The following SLC39A10 variants were observed in gnomAD, a reference collection of about 807,000 sequenced individuals.
SLC39A10 encodes the protein zinc transporter ZIP10.
SLC39A10 carries 13 observed loss-of-function variants against 65.1 expected under a neutral mutation model. That is an observed-to-expected ratio of 0.20 (90% CI 0.13 to 0.32). The LOEUF (loss-of-function observed/expected upper bound fraction) is 0.32, where lower values mean the gene tolerates loss of function less well. Ranked by LOEUF, SLC39A10 falls within the 10% of genes least tolerant of loss-of-function variation. The pLI is 1.00. For synonymous variants in SLC39A10, 321 were observed against 342.2 expected (o/e 0.94, Z 0.68); for missense variants, 831 against 1,018.4 (o/e 0.82, Z 2.50).
Position 195,683,747 on chromosome 2 carries a change from T to C in SLC39A10, c.1057T>C (p.Ser353Pro). 1 of 1,613,384 alleles carries C rather than the reference T, an allele frequency of 6.2e-7. No individual in the cohort carries two copies. Among genetic ancestry groups the C allele is most frequent in the Middle Eastern group, 1.7e-4 (1 of 6,056 alleles). Residue 353 changes from serine to proline, a missense_variant, in exon 3 of 10, where the codon TCT (serine) becomes CCT (proline). This residue lies in a region of SLC39A10 where 446 missense variants were observed against 499.2 expected (regional missense o/e 0.89). Coordinates refer to ENST00000359634, the MANE Select transcript of SLC39A10 (RefSeq NM_020342.3). ...LLKYYGHGAN[S>P]PISTDLFTYL... ...AAAATACTATGGTCATGGTGCCAAC[T>C]CTCCCATCTCAACTGATTTATTTAC...
chr2:195,660,760 G>A (rs1174772410), intron 1 of SLC39A10, among the ~76,000 whole-genome samples: 2 of 152,170 alleles, frequency 1.3e-5, no homozygotes, highest in African/African-American at 2.4e-5. Context: ...AAAGCGGGAA[G>A]TTAGCTGTGT....
At chr2:195,692,157 G>A (rs557556867) in intron 3 of SLC39A10, among the ~76,000 whole-genome samples, 12 of 151,794 alleles carry the variant, frequency 7.9e-5, no homozygotes, top group East Asian at 1.9e-4. Context: ...ATCTGTTGGC[G>A]TATTTGGCTT....
intron 2 of SLC39A10, among the ~76,000 whole-genome samples, chr2:195,683,203 A>G (rs1690398817): frequency 6.9e-6 from 1 of 144,290 alleles, no homozygotes; most frequent in South Asian, 2.2e-4. Flanking sequence ...AGCTGCCTTT[A>G]TTTTTATCTT....
At chr2:195,627,863 T>C (rs1688506258) in intron 2 of SLC39A10, among the ~76,000 whole-genome samples, 1 of 152,218 alleles carries the variant, frequency 6.6e-6, no homozygotes, top group South Asian at 2.1e-4. Flanking sequence ...CTCATGCTTC[T>C]GGGACTGTCT....
At chr2:195,638,608 T>G (rs1403235132) in intron 2 of SLC39A10, among the ~76,000 whole-genome samples, 2 of 152,154 alleles carry the variant, frequency 1.3e-5, no homozygotes, top group African/African-American at 2.4e-5. Context: ...CCTCCCAAAG[T>G]GCTGGGATTA....
At chr2:195,675,518 C>G (rs1014110522) in intron 1 of SLC39A10, among the ~76,000 whole-genome samples, 3 of 152,234 alleles carry the variant, frequency 2.0e-5, no homozygotes, top group Non-Finnish European at 2.9e-5. Flanking sequence ...TCACTGCAAG[C>G]TGCGCTTCCC....
At chr2:195,686,214 C>A (rs1690518068) in intron 3 of SLC39A10, among the ~76,000 whole-genome samples, 1 of 152,020 alleles carries the variant, frequency 6.6e-6, no homozygotes, top group South Asian at 2.1e-4. Context: ...GGTAGACATC[C>A]CATTCCAATG....
chr2:195,731,551 T>C (rs1692433120), intron 9 of SLC39A10, among the ~76,000 whole-genome samples: 1 of 152,164 alleles, frequency 6.6e-6, no homozygotes, highest in South Asian at 2.1e-4. Context: ...TTAGTTTATA[T>C]ATAGTTAGTA....
intron 1 of SLC39A10, among the ~76,000 whole-genome samples, chr2:195,677,732 A>G (rs1306930806): frequency 6.8e-6 from 1 of 147,102 alleles, no homozygotes; most frequent in Non-Finnish European, 1.5e-5. Flanking sequence ...GTTGATTAAC[A>G]TTTAGGCTTT....
intron 5 of SLC39A10, 148 bp from the exon 6 acceptor site, chr2:195,713,285 C>A: frequency 1.7e-6 from 1 of 601,276 alleles, no homozygotes; most frequent in Non-Finnish European, 2.6e-6. Flanking sequence ...GCTTTACTCC[C>A]AAGAATTTTT....
intron 2 of SLC39A10, among the ~76,000 whole-genome samples, chr2:195,643,095 C>A (rs1361173070): frequency 6.6e-6 from 1 of 152,178 alleles, no homozygotes; most frequent in Admixed American, 6.5e-5. Flanking sequence ...GGGATGTCAC[C>A]TCACCATACC....
At chr2:195,620,702 A>G (rs988272770) in intron 2 of SLC39A10, among the ~76,000 whole-genome samples, 6 of 152,232 alleles carry the variant, frequency 3.9e-5, no homozygotes, top group African/African-American at 7.2e-5. Flanking sequence ...CGCCCCTTCA[A>G]GAGCCATTCA....
chr2:195,662,865 T>C (rs193027342), intron 1 of SLC39A10, among the ~76,000 whole-genome samples: 47 of 152,372 alleles, frequency 3.1e-4, no homozygotes, highest in East Asian at 2.9e-3. Flanking sequence ...TAAAATACTT[T>C]AGTAGAAAAA....
At chr2:195,619,022 G>A (rs915622176) in intron 2 of SLC39A10, among the ~76,000 whole-genome samples, 8 of 149,522 alleles carry the variant, frequency 5.4e-5, no homozygotes, top group Non-Finnish European at 8.9e-5. Flanking sequence ...GAACCCAGGA[G>A]GCGGAGGTTG....
At chr2:195,703,924 GA>G (rs1691295412) in intron 3 of SLC39A10, among the ~76,000 whole-genome samples, 1 of 152,136 alleles carries the variant, frequency 6.6e-6, no homozygotes, top group Admixed American at 6.5e-5. Flanking sequence ...AAAATGCTTG[GA>G]TTACAGGCAT....
chr2:195,629,392 CA>C (rs60548307), intron 2 of SLC39A10, among the ~76,000 whole-genome samples: 1,129 of 79,772 alleles, frequency 0.014, 2 homozygotes, highest in African/African-American at 0.02. Flanking sequence ...AGATTCCTTT[CA>C]AAAAAAAAAA....
At chr2:195,630,436 C>T (rs1163615722) in intron 2 of SLC39A10, among the ~76,000 whole-genome samples, 1 of 152,206 alleles carries the variant, frequency 6.6e-6, no homozygotes, top group Non-Finnish European at 1.5e-5. Context: ...TATTCGGAAG[C>T]TCTGTGAATC....
chr2:195,690,173 GAAAAAAAAAA>G (rs34116515), intron 3 of SLC39A10, among the ~76,000 whole-genome samples: 29 of 61,154 alleles, frequency 4.7e-4, no homozygotes, highest in African/African-American at 1.3e-3. Flanking sequence ...GAGACTCTCT[GAAAAAAAAAA>G]AAAAAAAAAA....
chr2:195,721,804 C>T (rs1028973673), intron 8 of SLC39A10, among the ~76,000 whole-genome samples: 1 of 152,166 alleles, frequency 6.6e-6, no homozygotes, highest in African/African-American at 2.4e-5. Context: ...CTCCAACTTT[C>T]CTTCCTGTTC....
Sources: gnomAD v4.1 joint callset for allele counts (sites outside exome capture counted in the v4.1 genomes callset) on GRCh38, gnomAD v4.1.1 for gene constraint, gnomAD v4.1.1 regional missense constraint, MANE v1.5 for transcripts, NCBI Gene and HGNC (gene_info 2026-07-23, HGNC 2026-07-21) for gene names.